SGCD: variants seen among roughly 807,000 people sequenced by gnomAD.
SGCD encodes delta-sarcoglycan.
A neutral mutation model predicts 36.6 loss-of-function variants in SGCD; 18 were observed. That is an observed-to-expected ratio of 0.49 (90% CI 0.34 to 0.73). The LOEUF (loss-of-function observed/expected upper bound fraction) is 0.73. SGCD is among the 30% of genes least tolerant of loss of function. The probability of loss-of-function intolerance (pLI) is 0.01; values close to 1 mark genes in which losing one functional copy is unlikely to be tolerated. For synonymous variants in SGCD, 133 were observed against 130.6 expected (o/e 1.02, Z -0.12); for missense variants, 387 against 346.7 (o/e 1.12, Z -0.92).
chr5:156,055,762 T>C (rs929770121), intron 1 of SGCD, among the ~76,000 whole-genome samples: 2 of 146,104 alleles, frequency 1.4e-5, no homozygotes, highest in African/African-American at 4.9e-5. Flanking sequence ...TAGGCATGCA[T>C]CTCTTCTAGC....
rs895852639 is a variant in SGCD, at chr5:156,470,428, G to A, written c.193-38173G>A. On this transcript the variant is annotated intron_variant, in intron 3 of 8. Coordinates refer to ENST00000337851, the MANE Select transcript of SGCD (RefSeq NM_000337.6). ...TACATATGTATACATGTGCCATGCCGGTGTGCTGCACCCACTAACTCGTCA... is the reference window on the plus strand; with the variant it reads ...TACATATGTATACATGTGCCATGCCAGTGTGCTGCACCCACTAACTCGTCA... Among the ~76,000 whole-genome samples the A allele has an allele frequency of 1.8e-4, 27 of 151,782 alleles. 1 individual carries two copies. Among genetic ancestry groups the A allele is most frequent in the Middle Eastern group, 3.2e-3 (1 of 316 alleles).
intron 3 of SGCD, among the ~76,000 whole-genome samples, chr5:156,128,615 A>G (rs941697112): frequency 2.6e-5 from 4 of 152,168 alleles, no homozygotes; most frequent in Admixed American, 6.5e-5. Context: ...TGATTGGATC[A>G]TGGAGGTGGT....
chr5:156,701,512 T>G (rs1754528046), intron 7 of SGCD, among the ~76,000 whole-genome samples: 1 of 152,186 alleles, frequency 6.6e-6, no homozygotes, highest in Non-Finnish European at 1.5e-5. Flanking sequence ...TCAGTCAAAG[T>G]CAGATCTTAT....
chr5:156,210,201 C>CAGGCA lies in SGCD; in HGVS notation c.-44+86183_-44+86184insGGCAA, dbSNP rs574387316. ...TCTGCCGACCCAGGCAATAGGCACC[C>CAGGCA]ATCTGCTCACCTAGGCCAGCCTGCT... On this transcript the variant is annotated intron_variant, in intron 3 of 9. Coordinates refer to the SGCD transcript ENST00000517913. Among the ~76,000 whole-genome samples the CAGGCA allele has an allele frequency of 3.2e-3, 491 of 152,300 alleles. 5 individuals carry two copies. Among genetic ancestry groups the CAGGCA allele is most frequent in the Non-Finnish European group, 3.1e-3 (210 of 68,026 alleles).
chr5:156,316,398 G>A (rs761736279), intron 3 of SGCD, among the ~76,000 whole-genome samples: 12 of 151,868 alleles, frequency 7.9e-5, no homozygotes, highest in African/African-American at 2.9e-4. Flanking sequence ...GTAATTTACA[G>A]ATTAAATTCA....
intron 4 of SGCD, among the ~76,000 whole-genome samples, chr5:156,554,354 CAAAA>C (rs58256540): frequency 3.4e-5 from 3 of 88,906 alleles, no homozygotes; most frequent in Non-Finnish European, 7.3e-5. Context: ...GAGTCTGTCT[CAAAA>C]AAAAAAAAAA....
chr5:156,416,717 C>G (rs1234482020), intron 3 of SGCD, among the ~76,000 whole-genome samples: 1 of 152,098 alleles, frequency 6.6e-6, no homozygotes, highest in African/African-American at 2.4e-5. Context: ...CTACTGATGT[C>G]CTTAAGAAAT....
intron 1 of SGCD, among the ~76,000 whole-genome samples, chr5:156,037,028 G>A (rs1759515993): frequency 6.6e-6 from 1 of 152,150 alleles, no homozygotes. Flanking sequence ...TGTCCCCATG[G>A]TTTTGTTTTG....
chr5:156,719,374 A>T (rs1013262364), intron 7 of SGCD, among the ~76,000 whole-genome samples: 9 of 146,836 alleles, frequency 6.1e-5, no homozygotes, highest in African/African-American at 2.1e-4. Context: ...CTCATCATAT[A>T]TTATAGATAT....
chr5:156,749,530 G>GA (rs904150627), intron 7 of SGCD, among the ~76,000 whole-genome samples: 5 of 151,760 alleles, frequency 3.3e-5, no homozygotes, highest in Non-Finnish European at 5.9e-5. Context: ...AAGAAGACGT[G>GA]AAAAAAATAT....
At chr5:155,806,723 A>C in the SGCD span, among the ~76,000 whole-genome samples, 1 of 152,208 alleles carries the variant, frequency 6.6e-6, no homozygotes, top group Admixed American at 6.5e-5. Flanking sequence ...CATTATAATT[A>C]CTTGATATAA....
chr5:156,605,421 G>T (rs557012655), intron 6 of SGCD, among the ~76,000 whole-genome samples: 1 of 152,264 alleles, frequency 6.6e-6, no homozygotes, highest in South Asian at 2.1e-4. Context: ...TGGTATATGT[G>T]CCACATTTTC....
intron 3 of SGCD, among the ~76,000 whole-genome samples, chr5:156,207,097 C>T (rs1764300820): frequency 6.6e-6 from 1 of 152,080 alleles, no homozygotes; most frequent in African/African-American, 2.4e-5. Flanking sequence ...ATCAGAGAAA[C>T]ACCTGCCTGT....
At chr5:156,434,560 C>A (rs2127790264) in intron 3 of SGCD, among the ~76,000 whole-genome samples, 1 of 152,234 alleles carries the variant, frequency 6.6e-6, no homozygotes, top group East Asian at 1.9e-4. Context: ...GCCAGCGATG[C>A]TGATAGACAT....
intron 1 of SGCD, among the ~76,000 whole-genome samples, chr5:155,996,399 C>A (rs1367611859): frequency 3.9e-5 from 6 of 152,122 alleles, no homozygotes; most frequent in African/African-American, 1.4e-4. Context: ...CCAAAAATTT[C>A]AAAGCCAGCA....
At chr5:155,969,829 A>G (rs1008656022) in intron 1 of SGCD, among the ~76,000 whole-genome samples, 2 of 152,090 alleles carry the variant, frequency 1.3e-5, no homozygotes, top group African/African-American at 4.8e-5. Context: ...GTTCACTGTC[A>G]TCCATGGTCC....
At chr5:155,857,545 T>C in the SGCD span, among the ~76,000 whole-genome samples, 525 of 152,316 alleles carry the variant, frequency 3.4e-3, 5 homozygotes, top group African/African-American at 0.012. Context: ...ATAAAAAGTA[T>C]ATATTTGATG....
chr5:156,368,278 C>T (rs1011935427), intron 3 of SGCD, among the ~76,000 whole-genome samples: 2 of 151,712 alleles, frequency 1.3e-5, no homozygotes, highest in Non-Finnish European at 2.9e-5. Context: ...TTTTTAGTAG[C>T]GACCGAGTTT....
chr5:156,069,678 G>C (rs1025165538), intron 1 of SGCD, among the ~76,000 whole-genome samples: 1 of 151,390 alleles, frequency 6.6e-6, no homozygotes, highest in African/African-American at 2.5e-5. Flanking sequence ...TTGGTAGCTT[G>C]ATGGGGATGG....
Sources: allele counts gnomAD v4.1 joint callset (sites outside exome capture counted in the v4.1 genomes callset), GRCh38; gene constraint gnomAD v4.1.1; transcripts MANE v1.5; gene names NCBI Gene and HGNC (gene_info 2026-07-23, HGNC 2026-07-21).